The following NRXN3 variants were observed in gnomAD, a reference collection of about 807,000 sequenced individuals.
The protein encoded by NRXN3 is neurexin III.
A neutral mutation model predicts 137.6 loss-of-function variants in NRXN3; 32 were observed. The ratio of observed to expected loss-of-function variants is 0.23; its 90% confidence interval spans 0.18 to 0.31. The LOEUF (loss-of-function observed/expected upper bound fraction) is 0.31. NRXN3 is among the 10% of genes least tolerant of loss of function. The probability of loss-of-function intolerance (pLI) is 1.00; values close to 1 mark genes in which losing one functional copy is unlikely to be tolerated. For synonymous variants in NRXN3, 798 were observed against 784.5 expected (o/e 1.02, Z -0.29); for missense variants, 1,574 against 2,062.5 (o/e 0.76, Z 4.59).
chr14:78,804,828 C>T (rs1033478995), intron 9 of NRXN3, among the ~76,000 whole-genome samples: 31 of 152,026 alleles, frequency 2.0e-4, no homozygotes, highest in Non-Finnish European at 5.9e-5. Context: ...AAGTCAATAC[C>T]CAGCATTGAT....
At chr14:78,328,573 T>C (rs2080399140) in intron 4 of NRXN3, among the ~76,000 whole-genome samples, 1 of 152,234 alleles carries the variant, frequency 6.6e-6, no homozygotes. Flanking sequence ...AATTTGATCA[T>C]TTATTTAGTC....
Position 78,714,759 on chromosome 14 carries a change from C to G in NRXN3, c.1664C>G (p.Thr555Ser), listed in dbSNP as rs1386538957. 6.2e-6 allele frequency: 10 copies of G among 1,613,332 alleles called. No homozygotes were observed. Among genetic ancestry groups the G allele is most frequent in the Middle Eastern group, 1.7e-4 (1 of 6,060 alleles). Residue 555 changes from threonine to serine, a missense_variant, in exon 8 of 21, where the codon ACT becomes AGT. Physicochemically the swap from Thr to Ser is moderately conservative, Grantham distance 58 (BLOSUM62 1). Around this residue, in one of 5 missense-constraint regions of NRXN3, gnomAD observed 718 missense variants for 887.6 expected, o/e 0.81. Coordinates refer to ENST00000335750, the MANE Select transcript of NRXN3 (RefSeq NM_001330195.2). Reference protein sequence around the residue: ...VDIQRDGRSGTISVNSRRTPF... With the variant: ...VDIQRDGRSGSISVNSRRTPF... Reference sequence around the variant, plus strand: ...GAGATCTGTCTTCCCACCCCAGGTACTATATCAGTGAACAGCAGGCGCACG... The same window carrying G: ...GAGATCTGTCTTCCCACCCCAGGTAGTATATCAGTGAACAGCAGGCGCACG...
At chr14:79,325,834 G>T (rs1343565954) in intron 15 of NRXN3, among the ~76,000 whole-genome samples, 3 of 152,106 alleles carry the variant, frequency 2.0e-5, no homozygotes, top group Non-Finnish European at 4.4e-5. Context: ...TGTGCACAAT[G>T]CCATCTTGTC....
At chr14:79,086,812 A>G (rs1242079658) in intron 15 of NRXN3, among the ~76,000 whole-genome samples, 1 of 152,202 alleles carries the variant, frequency 6.6e-6, no homozygotes, top group East Asian at 1.9e-4. Context: ...CTGTAACTAC[A>G]AGATGTTAGA....
chr14:78,790,067 T>C (rs2098800579), intron 8 of NRXN3, among the ~76,000 whole-genome samples: 1 of 152,162 alleles, frequency 6.6e-6, no homozygotes, highest in Non-Finnish European at 1.5e-5. Context: ...AAGCAGTTGA[T>C]AGAGTTCTGA....
At position 79,757,031 on chromosome 14, in the gene NRXN3, C is replaced by T. The variant is rs561008923; in HGVS notation, c.4015-48081C>T. Among the ~76,000 whole-genome samples the T allele has an allele frequency of 3.9e-5, 6 of 152,216 alleles. No homozygotes were observed. In the East Asian group the frequency reaches 1.2e-3, roughly 29 times the overall value. On this transcript the variant is annotated intron_variant, in intron 19 of 20. Transcript: ENST00000335750. The stretch of plus-strand genomic sequence containing the variant: ...TGGAACGCCAAATTAGTAGTTATTC[C>T]TCATGCTCTGAGGTCTAGCTTCACC...
Position 79,308,653 on chromosome 14 carries a change from A to G in NRXN3, c.3263-158568A>G, listed in dbSNP as rs181361151. Reference sequence around the variant, plus strand: ...GCTGCCCTGTAGATATTCCAGAAAGATTTGATGTCTTGTGGAATGGTCTGA... The same window carrying G: ...GCTGCCCTGTAGATATTCCAGAAAGGTTTGATGTCTTGTGGAATGGTCTGA... On this transcript the variant is annotated intron_variant, in intron 15 of 20. Coordinates refer to ENST00000335750, the MANE Select transcript of NRXN3 (RefSeq NM_001330195.2). 7.2e-5 allele frequency among the ~76,000 whole-genome samples: 11 copies of G among 152,108 alleles called. No homozygotes were observed. The East Asian group carries it at 2.1e-3, about 29-fold the overall frequency.
At chr14:78,181,859 C>G (rs537930182) in intron 1 of NRXN3, among the ~76,000 whole-genome samples, 1 of 152,254 alleles carries the variant, frequency 6.6e-6, no homozygotes, top group African/African-American at 2.4e-5. Flanking sequence ...ATATTCTATT[C>G]ACTTTTTCAT....
intron 10 of NRXN3, among the ~76,000 whole-genome samples, chr14:78,945,717 G>A (rs2099363860): frequency 6.6e-6 from 1 of 152,206 alleles, no homozygotes; most frequent in Admixed American, 6.5e-5. Flanking sequence ...AGTAACAGAT[G>A]CCTCCCTGGA....
intron 4 of NRXN3, among the ~76,000 whole-genome samples, chr14:78,436,854 C>T (rs1352043648): frequency 1.3e-5 from 2 of 152,154 alleles, no homozygotes; most frequent in African/African-American, 4.8e-5. Context: ...TTATTTAGCT[C>T]TTATGTGCAG....
At chr14:78,769,770 G>A (rs1024882665) in intron 8 of NRXN3, among the ~76,000 whole-genome samples, 2 of 152,234 alleles carry the variant, frequency 1.3e-5, no homozygotes, top group Non-Finnish European at 2.9e-5. Flanking sequence ...TGATTATGCT[G>A]AGGAGGTAGG....
chr14:79,061,276 A>C (rs7158612), intron 15 of NRXN3, among the ~76,000 whole-genome samples: 3,082 of 152,310 alleles, frequency 0.02, 93 homozygotes, highest in African/African-American at 0.067. Context: ...CACAAGCAAA[A>C]GTACTTTTGT....
At chr14:79,239,802 A>G (rs1030134978) in intron 15 of NRXN3, among the ~76,000 whole-genome samples, 1 of 152,198 alleles carries the variant, frequency 6.6e-6, no homozygotes, top group African/African-American at 2.4e-5. Flanking sequence ...AATGTGGTAT[A>G]TACACAATCG....
intron 15 of NRXN3, among the ~76,000 whole-genome samples, chr14:79,189,103 C>T (rs993806178): frequency 2.0e-5 from 3 of 151,794 alleles, no homozygotes; most frequent in African/African-American, 7.3e-5. Flanking sequence ...TTTATTGCGG[C>T]ACTATTCACA....
At chr14:78,730,754 A>G (rs2098511295) in intron 8 of NRXN3, among the ~76,000 whole-genome samples, 1 of 152,198 alleles carries the variant, frequency 6.6e-6, no homozygotes, top group South Asian at 2.1e-4. Context: ...AATGACTATA[A>G]AACCAGGTGG....
intron 4 of NRXN3, among the ~76,000 whole-genome samples, chr14:78,590,277 TC>T (rs778182786): frequency 2.0e-5 from 3 of 152,128 alleles, no homozygotes; most frequent in Non-Finnish European, 2.9e-5. Context: ...TTTCTTCTGG[TC>T]CCAGTCCACA....
intron 15 of NRXN3, among the ~76,000 whole-genome samples, chr14:79,181,017 T>G (rs2062861800): frequency 6.7e-6 from 1 of 150,178 alleles, no homozygotes; most frequent in Admixed American, 6.7e-5. Context: ...AGATAGTAAC[T>G]AAATATGTAT....
At chr14:79,405,207 C>T (rs2095286263) in intron 15 of NRXN3, among the ~76,000 whole-genome samples, 1 of 152,088 alleles carries the variant, frequency 6.6e-6, no homozygotes, top group Non-Finnish European at 1.5e-5. Context: ...AATTATAGCA[C>T]AACAGAACAT....
chr14:78,842,780 G>C (rs1385818415), intron 10 of NRXN3, among the ~76,000 whole-genome samples: 1 of 152,046 alleles, frequency 6.6e-6, no homozygotes, highest in African/African-American at 2.4e-5. Flanking sequence ...CTTTCTCAGG[G>C]ATGTTGCTTG....
Sources: allele counts gnomAD v4.1 joint callset (sites outside exome capture counted in the v4.1 genomes callset), GRCh38; gene constraint gnomAD v4.1.1; regional missense constraint gnomAD v4.1.1; transcripts MANE v1.5; gene names NCBI Gene and HGNC (gene_info 2026-07-23, HGNC 2026-07-21).